Variants in DNAH1 observed in about 807,000 individuals in gnomAD.
DNAH1 encodes dynein axonemal heavy chain 1.
Under a neutral mutation model 484.3 loss-of-function variants are expected in DNAH1, and 327 were observed. The ratio of observed to expected loss-of-function variants is 0.68; its 90% confidence interval spans 0.62 to 0.74. DNAH1 has a LOEUF of 0.74. Ranked by LOEUF, DNAH1 falls within the 30% of genes least tolerant of loss-of-function variation. The probability of loss-of-function intolerance (pLI) is 0.00; values close to 1 mark genes in which losing one functional copy is unlikely to be tolerated. For synonymous variants in DNAH1, 2,192 were observed against 2,191.9 expected, an observed-to-expected ratio of 1.00 and a Z score of 0.00; for missense variants, 5,052 against 5,546.8, an observed-to-expected ratio of 0.91 and a Z score of 2.83.
Position 52,361,987 on chromosome 3 carries a change from G to A in DNAH1, c.4980+221G>A, listed in dbSNP as rs1702882838. Among the ~76,000 whole-genome samples, 1 of 152,236 alleles carries A rather than the reference G, an allele frequency of 6.6e-6. No homozygotes were observed. ...CATTACATCCTGACCTTTATGGAAA[G>A]CCCCAGGCATTGGTCCTTTCTCTAG... On this transcript the variant is annotated intron_variant, in intron 30 of 77. Transcript: ENST00000420323. The surrounding 1 kb of genome is among the most constrained non-coding windows in gnomAD (Gnocchi z 5.6).
chr3:52,372,414 C>A (rs755287410), intron 43 of DNAH1, 27 bp downstream of exon 43: 1 of 1,610,326 alleles, frequency 6.2e-7, no homozygotes, highest in Admixed American at 1.7e-5. Context: ...TCCTTCCTCA[C>A]CCCTGCATCC....
intron 75 of DNAH1, 148 bp from the exon 76 acceptor site, chr3:52,398,702 A>G (rs1704753383): frequency 1.6e-6 from 1 of 644,742 alleles, no homozygotes. Flanking sequence ...CAGAGCTGGG[A>G]TTTGTACCCA....
chr3:52,370,223 T>C lies in DNAH1; in HGVS notation c.6252T>C (p.Pro2084=), dbSNP rs1559540823. The change falls in exon 39 of 78, where the codon CCT becomes CCC. Residue 2084 remains proline, a synonymous_variant. Coordinates refer to ENST00000420323, the MANE Select transcript of DNAH1 (RefSeq NM_015512.5). ...LLDCFFKPFL[P]REGLKKIPSE... is the part of the protein sequence containing the mutation. ...ACTGCTTCTTCAAGCCCTTTCTGCC[T>C]AGAGAGGTACAGCCCTGAGAGTGGG... is the stretch of plus-strand genomic sequence containing the variant. 1.9e-6 allele frequency: 3 copies of C among 1,613,812 alleles called. No homozygotes were observed. The highest frequency in any genetic ancestry group is 2.5e-6 in the Non-Finnish European group (3 of 1,179,820).
chr3:52,326,599 CAG>C, intron 4 of DNAH1, 134 bp from the exon 5 acceptor site: 1 of 1,142,510 alleles, frequency 8.8e-7, no homozygotes, highest in Non-Finnish European at 1.2e-6. Context: ...TGATGAGTCT[CAG>C]AGGGGTGGAG....
At chr3:52,331,593 G>A (rs1191774513) in intron 7 of DNAH1, among the ~76,000 whole-genome samples, 1 of 147,174 alleles carries the variant, frequency 6.8e-6, no homozygotes, top group Admixed American at 6.8e-5. Context: ...AGCCATGCCT[G>A]TATAACTCCT....
chr3:52,326,584 C>A, intron 4 of DNAH1, 151 bp from the exon 5 acceptor site: 1 of 1,053,912 alleles, frequency 9.5e-7, no homozygotes, highest in Non-Finnish European at 1.3e-6. Flanking sequence ...CACCACACCA[C>A]TTCCTGATGA....
At position 52,399,428 on chromosome 3, in the gene DNAH1, C is replaced by T. The variant is rs1048837293; in HGVS notation, c.12442-117C>T. 2.6e-5 allele frequency: 26 copies of T among 1,012,080 alleles called. No homozygotes were observed. The East Asian group carries it at 4.6e-4, about 18-fold the overall frequency. 62.7% of individuals were successfully genotyped at this position (1,012,080 alleles called of 1,614,324 possible). On this transcript the variant is annotated intron_variant, in intron 76 of 77. Transcript: ENST00000420323. ...AGGCCATGGGCTAAAGTGGTAGGTA[C>T]GTGATGATGGGCAGGCAGGCAGCAT...
Position 52,358,039 on chromosome 3 carries a change from A to C in DNAH1, c.4086+36A>C, listed in dbSNP as rs755088196. ...GGGCCCGGGGCTCAGGGCTGGGAGC[A>C]TGGGGCATCTTCCCAGGGAGAACGT... On this transcript the variant is annotated intron_variant, in intron 24 of 77. Coordinates refer to ENST00000420323, the MANE Select transcript of DNAH1 (RefSeq NM_015512.5). The surrounding 1 kb of genome is among the most constrained non-coding windows in gnomAD (Gnocchi z 4.2). The C allele has an allele frequency of 6.7e-7, 1 of 1,498,994 alleles. No individual in the cohort carries two copies. Among genetic ancestry groups the C allele is most frequent in the African/African-American group, 1.4e-5 (1 of 71,782 alleles). The allele number at this position is 1,498,994 out of a possible 1,614,324, so 92.9% of individuals were successfully genotyped here. A position where few individuals can be genotyped will look rare whatever the true frequency, so the allele number is the denominator to read the frequency against.
Position 52,353,714 on chromosome 3 carries a change from ACT to A in DNAH1, c.3480+82_3480+83del. 6.5e-7 allele frequency: 1 copy of A among 1,530,984 alleles called. No homozygotes were observed. Among genetic ancestry groups the A allele is most frequent in the Non-Finnish European group, 8.8e-7 (1 of 1,138,708 alleles). The allele number at this position is 1,530,984 out of a possible 1,614,324, so 94.8% of individuals were successfully genotyped here. ...ACCTCCTGCTCTGGCAACCACAGCC[ACT>A]TGGGAGGATGACAGTAATAAGCCCC... On this transcript the variant is annotated intron_variant, in intron 20 of 77. Coordinates refer to ENST00000420323, the MANE Select transcript of DNAH1 (RefSeq NM_015512.5). The surrounding 1 kb of genome is among the most constrained non-coding windows in gnomAD (Gnocchi z 5.0).
In DNAH1 at chr3:52,375,329, C is replaced by G. The variant is rs774675368; in HGVS notation, c.7075C>G (p.Arg2359Gly). 2.5e-6 allele frequency: 4 copies of G among 1,613,322 alleles called. No homozygotes were observed. The highest frequency in any genetic ancestry group is 2.2e-5 in the South Asian group (2 of 90,868). The change falls in exon 45 of 78, where the codon CGT becomes GGT. Residue 2359 changes from arginine (R) to glycine (G), a missense_variant. This residue lies in a region of DNAH1 where 2,929 missense variants were observed against 3,409.4 expected (regional missense o/e 0.86). Coordinates refer to ENST00000420323, the MANE Select transcript of DNAH1 (RefSeq NM_015512.5). ...GRNTVTPRLM[R>G]HFNYLSFAEM... The stretch of plus-strand genomic sequence containing the variant: ...GAACACCGTCACCCCGCGGCTGATG[C>G]GTCACTTCAACTACCTGTCTTTCGC...
chr3:52,367,652 G>A (rs1459364842), intron 36 of DNAH1, among the ~76,000 whole-genome samples: 4 of 151,394 alleles, frequency 2.6e-5, no homozygotes, highest in African/African-American at 2.4e-5. Context: ...TCGGCTCACC[G>A]CAACCTCTGC....
At chr3:52,399,436 TG>T in intron 76 of DNAH1, 108 bp from the exon 77 acceptor site, 1 of 1,060,910 alleles carries the variant, frequency 9.4e-7, no homozygotes, top group Non-Finnish European at 1.4e-6. Context: ...TACGTGATGA[TG>T]GGCAGGCAGG....
upstream of DNAH1, among the ~76,000 whole-genome samples, chr3:52,315,531 C>T (rs1050394289): frequency 8.5e-5 from 13 of 152,352 alleles, no homozygotes; most frequent in African/African-American, 2.9e-4. Flanking sequence ...CTGCCCCAAT[C>T]CCCCAGCTTC....
At chr3:52,375,525 G>A (rs1053876441) in intron 45 of DNAH1, 112 bp downstream of exon 45, 12 of 1,176,260 alleles carry the variant, frequency 1.0e-5, no homozygotes, top group Admixed American at 4.4e-5. Flanking sequence ...AACCATGACC[G>A]CAACCCTGGG....
rs755299382 is a variant in DNAH1 at position 52,353,268 on chromosome 3, C to T, written c.3193C>T (p.His1065Tyr). ...CGTGGTTGAAGCCTTCAAGACCATG[C>T]ACAAGTGCGTGAAGCAGTTTAAGGA... ...KNVVEAFKTM[H>Y]KCVKQFKDMP... The change falls in exon 19 of 78, where the codon CAC becomes TAC. Residue 1065 changes from histidine to tyrosine, a missense_variant. Coordinates refer to ENST00000420323, the MANE Select transcript of DNAH1 (RefSeq NM_015512.5). The surrounding 1 kb of genome is among the most constrained non-coding windows in gnomAD (Gnocchi z 5.0). 6.2e-7 allele frequency: 1 copy of T among 1,613,950 alleles called. No individual in the cohort carries two copies. Among genetic ancestry groups the T allele is most frequent in the Non-Finnish European group, 8.5e-7 (1 of 1,179,872 alleles).
At chr3:52,374,914 G>A (rs985036442) in intron 44 of DNAH1, 17 of 851,776 alleles carry the variant, frequency 2.0e-5, no homozygotes, top group South Asian at 9.7e-5. Flanking sequence ...ACATGAAAAC[G>A]TCCAGGGTTA....
chr3:52,313,098 C>T (rs148903129), upstream of DNAH1, among the ~76,000 whole-genome samples: 6 of 152,284 alleles, frequency 3.9e-5, no homozygotes, highest in African/African-American at 1.4e-4. Flanking sequence ...GTGCCAGGCT[C>T]TTGAGTGGCC....
At chr3:52,339,348 G>A (rs1299548109) in intron 8 of DNAH1, among the ~76,000 whole-genome samples, 4 of 149,302 alleles carry the variant, frequency 2.7e-5, no homozygotes, top group Non-Finnish European at 4.5e-5. Flanking sequence ...GTTTTCTCTC[G>A]GTCACCTTGT....
At chr3:52,389,952 A>C (rs1481658163) in intron 60 of DNAH1, among the ~76,000 whole-genome samples, 1 of 152,120 alleles carries the variant, frequency 6.6e-6, no homozygotes, top group Admixed American at 6.5e-5. Context: ...TCTCTACTAA[A>C]ACTACAAAAA....
Sources: gnomAD v4.1 joint callset for allele counts (sites outside exome capture counted in the v4.1 genomes callset) on GRCh38, gnomAD v4.1.1 for gene constraint, gnomAD v4.1.1 regional missense constraint, Gnocchi (gnomAD v3.1) non-coding constraint, MANE v1.5 for transcripts, NCBI Gene and HGNC (gene_info 2026-07-23, HGNC 2026-07-21) for gene names.